ZXDC: variants seen among roughly 807,000 people sequenced by gnomAD.
ZXDC encodes ZXD family zinc finger C, also known as zinc finger protein ZXDC.
Under a neutral mutation model 63.6 loss-of-function variants are expected in ZXDC, and 58 were observed. The observed-to-expected ratio is 0.91, with a 90% CI of 0.74 to 1.13. ZXDC has a LOEUF of 1.13. Among genes scored for constraint, ZXDC ranks in the 50% most tolerant of loss-of-function variants. The pLI, the probability that ZXDC is intolerant of heterozygous loss-of-function variation, is 0.00. For synonymous variants in ZXDC, 561 were observed against 496.1 expected (o/e 1.13, Z -1.74); for missense variants, 1,133 against 1,148.9 (o/e 0.99, Z 0.20).
At position 126,450,787 on chromosome 3, in the gene ZXDC, T is replaced by C. The variant is rs1359435802; in HGVS notation, c.2213-8841A>G. 2.0e-5 allele frequency among the ~76,000 whole-genome samples: 3 copies of C among 152,228 alleles called. No homozygotes were observed. In the South Asian group the frequency reaches 6.2e-4, roughly 31 times the overall value. On this transcript the variant is annotated intron_variant, in intron 7 of 9. Transcript: ENST00000389709. ...TACATCACTGACTTAATTTCAAGGC[T>C]CCATCCAACCTGATCACCCATTGGA...
Position 126,439,780 on chromosome 3 carries a change from G to A in ZXDC, c.2395-53C>T, listed in dbSNP as rs959907182. 7.9e-6 allele frequency: 12 copies of A among 1,516,964 alleles called. No homozygotes were observed. The African/African-American group carries it at 1.1e-4, about 14-fold the overall frequency. 94.0% of individuals were successfully genotyped at this position (1,516,964 alleles called of 1,614,324 possible). A position where few individuals can be genotyped will look rare whatever the true frequency, so the allele number is the denominator to read the frequency against. Reference sequence around the variant, plus strand: ...CACATGTCTGTGAGAGTGCAGCAAAGGTCCTCGTCTCACCTGAGAAGTCTC... The same window carrying A: ...CACATGTCTGTGAGAGTGCAGCAAAAGTCCTCGTCTCACCTGAGAAGTCTC... On this transcript the variant is annotated intron_variant, in intron 8 of 9. Coordinates refer to ENST00000389709, the MANE Select transcript of ZXDC (RefSeq NM_025112.5).
At chr3:126,471,139 A>G in intron 3 of ZXDC, 114 bp from the exon 4 acceptor site, 1 of 1,391,868 alleles carries the variant, frequency 7.2e-7, no homozygotes, top group Non-Finnish European at 9.6e-7. Flanking sequence ...AATGATCAGT[A>G]CATTTCGGAA....
At chr3:126,466,023 G>A in intron 5 of ZXDC, 132 bp downstream of exon 5, 6 of 1,047,766 alleles carry the variant, frequency 5.7e-6, no homozygotes, top group Non-Finnish European at 6.9e-6. Flanking sequence ...GAGGCCACTT[G>A]GCTTGGCAGC....
At position 126,452,344 on chromosome 3, in the gene ZXDC, A is replaced by G. The variant is rs899883048; in HGVS notation, c.2212+7309T>C. ...AATCGCACTACAATGCTGTGGGAAGAGTGAGAGGCTTCTCTTTCCTTCATC... is the reference window on the plus strand; with the variant it reads ...AATCGCACTACAATGCTGTGGGAAGGGTGAGAGGCTTCTCTTTCCTTCATC... On this transcript the variant is annotated intron_variant, in intron 7 of 9. Transcript: ENST00000389709. 4 of 985,306 alleles carry G rather than the reference A, an allele frequency of 4.1e-6. No homozygotes were observed. In the South Asian group the frequency reaches 1.4e-4, roughly 35 times the overall value. 61.0% of individuals were successfully genotyped at this position (985,306 alleles called of 1,614,324 possible). A position where few individuals can be genotyped will look rare whatever the true frequency, so the allele number is the denominator to read the frequency against.
chr3:126,461,558 C>T lies in ZXDC; in HGVS notation c.2104G>A (p.Ala702Thr). 1 of 1,613,232 alleles carries T rather than the reference C, an allele frequency of 6.2e-7. No homozygotes were observed. Among genetic ancestry groups the T allele is most frequent in the Non-Finnish European group, 8.5e-7 (1 of 1,179,320 alleles). Reference protein sequence around the residue: ...QHGAQDTELSAGTGNFYLESG... With the variant: ...QHGAQDTELSTGTGNFYLESG... ...ACCAAATAGAAGTTGCCAGTGCCTG[C>T]ACTGAGCTCTGTGTCCTGGGCACCG... is the stretch of plus-strand genomic sequence containing the variant. Residue 702 changes from alanine (A) to threonine (T), a missense_variant, in exon 6 of 10, where the codon GCA (alanine) becomes ACA (threonine). Coordinates refer to ENST00000389709, the MANE Select transcript of ZXDC (RefSeq NM_025112.5).
At chr3:126,469,693 A>G (rs1402792430) in intron 4 of ZXDC, among the ~76,000 whole-genome samples, 1 of 151,634 alleles carries the variant, frequency 6.6e-6, no homozygotes, top group Non-Finnish European at 1.5e-5. Flanking sequence ...CAACACCCAC[A>G]CGCACGTGTC....
intron 7 of ZXDC, chr3:126,454,292 T>G (rs1021888486): frequency 2.0e-6 from 2 of 984,432 alleles, no homozygotes; most frequent in African/African-American, 3.5e-5. Flanking sequence ...AGATTTCTAT[T>G]GGCTTTTACA....
In ZXDC at chr3:126,462,067, G is replaced by A. The variant is rs1189365522; in HGVS notation, c.1595C>T (p.Ala532Val). The change falls in exon 6 of 10, where the codon GCT becomes GTT. Residue 532 changes from alanine to valine, a missense_variant. Transcript: ENST00000389709. Reference protein sequence around the residue: ...ASGSAGGSDEALNSGILTIDV... With the variant: ...ASGSAGGSDEVLNSGILTIDV... ...AATAGTCAGGATTCCGGAGTTCAGAGCCTCATCCGACCCACCTGCAGAACC... is the reference window on the plus strand; with the variant it reads ...AATAGTCAGGATTCCGGAGTTCAGAACCTCATCCGACCCACCTGCAGAACC... 1.2e-6 allele frequency: 2 copies of A among 1,614,132 alleles called. No homozygotes were observed. Among genetic ancestry groups the A allele is most frequent in the Admixed American group, 1.7e-5 (1 of 60,018 alleles).
chr3:126,441,145 C>G, intron 8 of ZXDC: 1 of 985,638 alleles, frequency 1.0e-6, no homozygotes, highest in Non-Finnish European at 1.2e-6. Context: ...CAGGTGTGCT[C>G]AGGGCTGCTG....
At chr3:126,442,688 G>A (rs1933728040) in intron 7 of ZXDC, 1 of 152,094 alleles carries the variant, frequency 6.6e-6, no homozygotes, top group Non-Finnish European at 1.5e-5. Context: ...GATTTCATAG[G>A]AAATATGTGA....
At chr3:126,469,595 A>G (rs1414051890) in intron 4 of ZXDC, among the ~76,000 whole-genome samples, 1 of 151,818 alleles carries the variant, frequency 6.6e-6, no homozygotes, top group African/African-American at 2.4e-5. Flanking sequence ...CTAAGCCACA[A>G]CTCAAACATG....
chr3:126,459,964 G>A (rs1249956718), intron 6 of ZXDC: 1 of 985,328 alleles, frequency 1.0e-6, no homozygotes, highest in African/African-American at 1.7e-5. Flanking sequence ...GAGAAGCAAA[G>A]TTCATTCCTT....
intron 7 of ZXDC, among the ~76,000 whole-genome samples, chr3:126,447,398 A>C (rs1348913384): frequency 1.3e-5 from 2 of 152,288 alleles, no homozygotes; most frequent in Admixed American, 1.3e-4. Context: ...TATATATACA[A>C]ATATGTACTG....
Position 126,466,281 on chromosome 3 carries a change from A to G in ZXDC, c.1315T>C (p.Ser439Pro). 1 of 1,614,212 alleles carries G rather than the reference A, an allele frequency of 6.2e-7. No homozygotes were observed. The highest frequency in any genetic ancestry group is 8.5e-7 in the Non-Finnish European group (1 of 1,180,040). ...FSARSSLYIH[S>P]KKHVQDVGAP... is the part of the protein sequence containing the mutation. ...CCCACATCCTGCACGTGTTTCTTAGAGTGAATGTACAGACTGCTACGAGCG... is the reference window on the plus strand; with the variant it reads ...CCCACATCCTGCACGTGTTTCTTAGGGTGAATGTACAGACTGCTACGAGCG... The change falls in exon 5 of 10, where the codon TCT becomes CCT. Residue 439 changes from serine to proline, a missense_variant. By Grantham distance (74) the Ser-to-Pro change is moderately conservative. Transcript: ENST00000389709.
chr3:126,465,371 T>C (rs1934715656), intron 5 of ZXDC, among the ~76,000 whole-genome samples: 1 of 152,226 alleles, frequency 6.6e-6, no homozygotes, highest in Non-Finnish European at 1.5e-5. Context: ...AGCTGCCCAA[T>C]GACTAGGCAC....
At chr3:126,469,617 C>T (rs574327345) in intron 4 of ZXDC, among the ~76,000 whole-genome samples, 1 of 152,250 alleles carries the variant, frequency 6.6e-6, no homozygotes, top group South Asian at 2.1e-4. Context: ...TGACATCATA[C>T]GCTCACCCAA....
At position 126,466,282 on chromosome 3, in the gene ZXDC, G is replaced by C; in HGVS notation, c.1314C>G (p.His438Gln). The C allele has an allele frequency of 6.2e-7, 1 of 1,614,218 alleles. No homozygotes were observed. The highest frequency in any genetic ancestry group is 8.5e-7 in the Non-Finnish European group (1 of 1,180,048). ...RFSARSSLYI[H>Q]SKKHVQDVGA... ...CCACATCCTGCACGTGTTTCTTAGA[G>C]TGAATGTACAGACTGCTACGAGCGG... Residue 438 changes from histidine to glutamine, a missense_variant, in exon 5 of 10, where the codon CAC becomes CAG. By Grantham distance (24) the His-to-Gln change is conservative. Coordinates refer to ENST00000389709, the MANE Select transcript of ZXDC (RefSeq NM_025112.5).
At chr3:126,453,034 C>G (rs1053025011) in intron 7 of ZXDC, 1 of 985,264 alleles carries the variant, frequency 1.0e-6, no homozygotes, top group African/African-American at 1.7e-5. Context: ...CTGAGAGATA[C>G]CCTTGTCAGA....
At chr3:126,462,953 A>G (rs975490823) in intron 5 of ZXDC, among the ~76,000 whole-genome samples, 1 of 152,172 alleles carries the variant, frequency 6.6e-6, no homozygotes, top group Non-Finnish European at 1.5e-5. Context: ...CTGCATCTCC[A>G]GCCTCACATT....
Sources: gnomAD v4.1 joint callset for allele counts (sites outside exome capture counted in the v4.1 genomes callset) on GRCh38, gnomAD v4.1.1 for gene constraint, MANE v1.5 for transcripts, NCBI Gene and HGNC (gene_info 2026-07-23, HGNC 2026-07-21) for gene names.